The following DLG1 variants were observed in gnomAD, a reference collection of about 807,000 sequenced individuals.
The protein encoded by DLG1 is discs large MAGUK scaffold protein 1.
Under a neutral mutation model 123.4 loss-of-function variants are expected in DLG1, and 42 were observed. That is an observed-to-expected ratio of 0.34 (90% CI 0.27 to 0.44). The LOEUF (loss-of-function observed/expected upper bound fraction) is 0.44. Ranked by LOEUF, DLG1 falls within the 20% of genes least tolerant of loss-of-function variation. The pLI is 1.00. For missense variants in DLG1, 942 were observed against 1,082.6 expected, an observed-to-expected ratio of 0.87 and a Z score of 1.82; for synonymous variants, 317 against 356.2, an observed-to-expected ratio of 0.89 and a Z score of 1.24.
intron 4 of DLG1, among the ~76,000 whole-genome samples, chr3:197,245,585 G>A (rs554030423): frequency 2.0e-4 from 31 of 152,188 alleles, no homozygotes; most frequent in African/African-American, 6.0e-4. Flanking sequence ...ATAGCCTGAG[G>A]TCCCCAGTGG....
chr3:197,077,678 T>C (rs1284564429), intron 17 of DLG1, among the ~76,000 whole-genome samples: 1 of 152,218 alleles, frequency 6.6e-6, no homozygotes, highest in Non-Finnish European at 1.5e-5. Flanking sequence ...TTGCACATGT[T>C]GGAAACAAGT....
chr3:197,254,012 T>C (rs1451442873), intron 4 of DLG1, among the ~76,000 whole-genome samples: 1 of 152,036 alleles, frequency 6.6e-6, no homozygotes, highest in Non-Finnish European at 1.5e-5. Flanking sequence ...AGGCAGACAC[T>C]TACCTAAACA....
At chr3:197,229,132 C>T (rs1346511352) in intron 4 of DLG1, among the ~76,000 whole-genome samples, 3 of 152,110 alleles carry the variant, frequency 2.0e-5, no homozygotes, top group African/African-American at 2.4e-5. Context: ...CACTGGACAG[C>T]TTTCCACAAC....
intron 17 of DLG1, 147 bp downstream of exon 17, chr3:197,080,904 T>C: frequency 1.7e-6 from 1 of 604,134 alleles, no homozygotes; most frequent in Non-Finnish European, 2.7e-6. Context: ...AAATGGGTGC[T>C]TGAATTTAAC....
chr3:197,085,458 G>T, intron 16 of DLG1, 122 bp downstream of exon 16: 1 of 979,040 alleles, frequency 1.0e-6, no homozygotes, highest in Non-Finnish European at 1.5e-6. Flanking sequence ...TTCTGTGTCT[G>T]GCTTTTTTCA....
At chr3:197,219,456 A>T (rs562306296) in intron 4 of DLG1, among the ~76,000 whole-genome samples, 5 of 152,356 alleles carry the variant, frequency 3.3e-5, no homozygotes, top group Non-Finnish European at 7.3e-5. Context: ...CAAAAATGTG[A>T]TATATCATCA....
chr3:197,192,595 C>A (rs1272787155), intron 5 of DLG1, among the ~76,000 whole-genome samples: 2 of 152,030 alleles, frequency 1.3e-5, no homozygotes, highest in Non-Finnish European at 2.9e-5. Context: ...TCTTTTAGTT[C>A]CCCAAGGGAG....
intron 4 of DLG1, among the ~76,000 whole-genome samples, chr3:197,206,712 G>A (rs1297930847): frequency 6.6e-6 from 1 of 151,698 alleles, no homozygotes; most frequent in Non-Finnish European, 1.5e-5. Context: ...CACTTTTCAG[G>A]AGATACAAGA....
chr3:197,114,335 A>T (rs1020878909), intron 13 of DLG1, among the ~76,000 whole-genome samples: 1 of 152,196 alleles, frequency 6.6e-6, no homozygotes, highest in Non-Finnish European at 1.5e-5. Flanking sequence ...AACACAAAGC[A>T]TCTTACAAGC....
chr3:197,253,490 G>A (rs2150884271), intron 4 of DLG1, among the ~76,000 whole-genome samples: 1 of 152,236 alleles, frequency 6.6e-6, no homozygotes, highest in East Asian at 1.9e-4. Context: ...CGGTTTAGCA[G>A]TTTCTTTAAA....
chr3:197,124,786 C>G (rs62281747), intron 11 of DLG1, among the ~76,000 whole-genome samples: 17,131 of 152,104 alleles, frequency 0.11, 1,337 homozygotes, highest in South Asian at 0.33. Context: ...GTAGGAAAAT[C>G]AGCTCTCGGT....
intron 5 of DLG1, among the ~76,000 whole-genome samples, chr3:197,182,598 C>T (rs1712955341): frequency 6.6e-6 from 1 of 152,074 alleles, no homozygotes; most frequent in Non-Finnish European, 1.5e-5. Context: ...CTTTAAAAGA[C>T]AGCTTTAAGG....
chr3:197,049,069 A>G (rs1433120870), intron 24 of DLG1, among the ~76,000 whole-genome samples: 1 of 152,200 alleles, frequency 6.6e-6, no homozygotes, highest in Non-Finnish European at 1.5e-5. Flanking sequence ...CTGTAATTCC[A>G]GCACTCTGGG....
intron 4 of DLG1, among the ~76,000 whole-genome samples, chr3:197,279,427 G>C (rs568153622): frequency 7.2e-5 from 11 of 152,032 alleles, no homozygotes; most frequent in Non-Finnish European, 1.6e-4. Context: ...TAAACATCTA[G>C]GCCTTGATGG....
intron 3 of DLG1, among the ~76,000 whole-genome samples, chr3:197,288,743 AAT>A (rs1773296764): frequency 2.8e-5 from 2 of 72,078 alleles, no homozygotes; most frequent in African/African-American, 1.5e-4. Flanking sequence ...AAAAAAAAAA[AAT>A]ACATACATAC....
chr3:197,205,790 T>C (rs764392633), intron 4 of DLG1, among the ~76,000 whole-genome samples: 2 of 152,216 alleles, frequency 1.3e-5, no homozygotes, highest in Non-Finnish European at 2.9e-5. Flanking sequence ...AAGTCCAAAA[T>C]GTGTCTGAGG....
At chr3:197,288,433 C>T (rs997571938) in intron 3 of DLG1, among the ~76,000 whole-genome samples, 6 of 146,854 alleles carry the variant, frequency 4.1e-5, no homozygotes, top group South Asian at 2.2e-4. Flanking sequence ...TAAAATGGTA[C>T]GAATCTGGCC....
intron 5 of DLG1, among the ~76,000 whole-genome samples, chr3:197,180,831 C>T (rs1021913759): frequency 6.6e-6 from 1 of 151,968 alleles, no homozygotes; most frequent in African/African-American, 2.4e-5. Context: ...AATACAGGTA[C>T]TGAAGAGGTA....
chr3:197,085,670 A>T lies in DLG1; in HGVS notation c.1748T>A (p.Ile583Asn). 6.2e-7 allele frequency: 1 copy of T among 1,614,020 alleles called. No individual in the cohort carries two copies. The highest frequency in any genetic ancestry group is 8.5e-7 in the Non-Finnish European group (1 of 1,180,010). ...NFKFGDILHV[I>N]NASDDEWWQA... Reference sequence around the variant, plus strand: ...CCACCATTCATCATCAGAAGCATTAATAACATGGAGGATATCTCCAAATTT... The same window carrying T: ...CCACCATTCATCATCAGAAGCATTATTAACATGGAGGATATCTCCAAATTT... Residue 583 changes from isoleucine to asparagine, a missense_variant, in exon 16 of 25, where the codon ATT (isoleucine) becomes AAT (asparagine). By Grantham distance (149) the Ile-to-Asn change is moderately radical. Coordinates refer to ENST00000667157, the MANE Select transcript of DLG1 (RefSeq NM_001366207.1).
Sources: allele counts gnomAD v4.1 joint callset (sites outside exome capture counted in the v4.1 genomes callset), GRCh38; gene constraint gnomAD v4.1.1; transcripts MANE v1.5; gene names NCBI Gene and HGNC (gene_info 2026-07-23, HGNC 2026-07-21).